Variants in GALNTL6 observed in about 807,000 individuals in gnomAD.
The protein encoded by GALNTL6 is polypeptide N-acetylgalactosaminyltransferase like 6.
In GALNTL6, 46 loss-of-function variants were observed where a neutral mutation model predicts 73.7. That is an observed-to-expected ratio of 0.62 (90% CI 0.49 to 0.80). The LOEUF (loss-of-function observed/expected upper bound fraction) is 0.80. GALNTL6 is among the 30% of genes least tolerant of loss of function. The probability of loss-of-function intolerance (pLI) is 0.00; values close to 1 mark genes in which losing one functional copy is unlikely to be tolerated. For synonymous variants in GALNTL6, 259 were observed against 263.7 expected (o/e 0.98, Z 0.17); for missense variants, 604 against 755.0 (o/e 0.80, Z 2.34).
intron 12 of GALNTL6, among the ~76,000 whole-genome samples, chr4:173,039,257 T>A (rs931338167): frequency 1.1e-4 from 17 of 152,222 alleles, no homozygotes; most frequent in African/African-American, 4.1e-4. Flanking sequence ...ACCTGCATTA[T>A]ATCAATAAAG....
At chr4:172,512,744 T>C (rs970872713) in intron 5 of GALNTL6, among the ~76,000 whole-genome samples, 1 of 152,182 alleles carries the variant, frequency 6.6e-6, no homozygotes, top group South Asian at 2.1e-4. Flanking sequence ...AACAATTGTT[T>C]TGTTTAAGGA....
intron 8 of GALNTL6, among the ~76,000 whole-genome samples, chr4:172,923,878 C>G (rs1052789762): frequency 6.6e-6 from 1 of 151,328 alleles, no homozygotes; most frequent in African/African-American, 2.4e-5. Context: ...CTTACTACCA[C>G]GAGAACAGCA....
chr4:172,601,941 A>G (rs1738063924), intron 5 of GALNTL6, among the ~76,000 whole-genome samples: 1 of 152,234 alleles, frequency 6.6e-6, no homozygotes, highest in East Asian at 1.9e-4. Context: ...TAATAGCCAA[A>G]TTAATAGGAA....
chr4:172,921,990 C>G (rs909061298), intron 8 of GALNTL6, among the ~76,000 whole-genome samples: 1 of 152,096 alleles, frequency 6.6e-6, no homozygotes, highest in Non-Finnish European at 1.5e-5. Context: ...AATTGTATCT[C>G]CCAGCATTCT....
At chr4:172,516,849 C>T (rs1056299844) in intron 5 of GALNTL6, among the ~76,000 whole-genome samples, 3 of 152,060 alleles carry the variant, frequency 2.0e-5, no homozygotes, top group Non-Finnish European at 4.4e-5. Flanking sequence ...ATCATTCAGC[C>T]TTAAAAGGAA....
intron 5 of GALNTL6, among the ~76,000 whole-genome samples, chr4:172,393,795 T>A (rs1743752270): frequency 6.6e-6 from 1 of 152,174 alleles, no homozygotes; most frequent in Non-Finnish European, 1.5e-5. Context: ...TCTTAATAAT[T>A]CAAACTATAT....
At chr4:172,858,752 T>G (rs980004302) in intron 7 of GALNTL6, among the ~76,000 whole-genome samples, 2 of 152,020 alleles carry the variant, frequency 1.3e-5, no homozygotes, top group African/African-American at 4.8e-5. Flanking sequence ...CTCTTCAATG[T>G]CCAGCAGCCT....
chr4:172,123,248 C>T (rs1010084518), intron 2 of GALNTL6, among the ~76,000 whole-genome samples: 1 of 152,116 alleles, frequency 6.6e-6, no homozygotes, highest in African/African-American at 2.4e-5. Context: ...CCGATTGTAT[C>T]ATTTTCTAAA....
chr4:171,987,615 G>A (rs1740142745), intron 2 of GALNTL6, among the ~76,000 whole-genome samples: 1 of 152,154 alleles, frequency 6.6e-6, no homozygotes. Context: ...AATAATCCCT[G>A]AGGAGTAGTA....
chr4:172,061,908 A>G lies in GALNTL6; in HGVS notation c.139-167748A>G, dbSNP rs60800149. 1.3e-3 allele frequency among the ~76,000 whole-genome samples: 178 copies of G among 140,624 alleles called. 1 individual carries two copies. Among genetic ancestry groups the G allele is most frequent in the African/African-American group, 4.0e-3 (150 of 37,438 alleles). The allele number at this position is 140,624 out of a possible 152,430, so 92.3% of individuals were successfully genotyped here. A position where few individuals can be genotyped will look rare whatever the true frequency, so the allele number is the denominator to read the frequency against. Reference sequence around the variant, plus strand: ...AATGCTTTGGAATCTGTTATTTACCACCCATTCCCTGCTTTTGAGCTTGGT... The same window carrying G: ...AATGCTTTGGAATCTGTTATTTACCGCCCATTCCCTGCTTTTGAGCTTGGT... On this transcript the variant is annotated intron_variant, in intron 2 of 12. Transcript: ENST00000506823.
chr4:172,128,102 T>C (rs537412264), intron 2 of GALNTL6, among the ~76,000 whole-genome samples: 17 of 151,040 alleles, frequency 1.1e-4, no homozygotes, highest in African/African-American at 4.1e-4. Flanking sequence ...AGATTCCGTC[T>C]CAAAAAAAGA....
intron 12 of GALNTL6, among the ~76,000 whole-genome samples, chr4:173,034,496 C>T (rs762014618): frequency 6.6e-6 from 1 of 152,196 alleles, no homozygotes; most frequent in African/African-American, 2.4e-5. Flanking sequence ...CAAGACCCAA[C>T]CTCCATCACC....
intron 8 of GALNTL6, among the ~76,000 whole-genome samples, chr4:172,917,776 T>C (rs956801101): frequency 6.6e-6 from 1 of 152,090 alleles, no homozygotes; most frequent in African/African-American, 2.4e-5. Context: ...TGTGGAGAAA[T>C]AGGAACGCTT....
chr4:172,151,476 A>C (rs1318552792), intron 2 of GALNTL6, among the ~76,000 whole-genome samples: 1 of 152,130 alleles, frequency 6.6e-6, no homozygotes, highest in Non-Finnish European at 1.5e-5. Context: ...ATGCAAGATA[A>C]AAACAAAATG....
chr4:172,068,001 G>T lies in GALNTL6; in HGVS notation c.139-161655G>T, dbSNP rs141262887. Reference sequence around the variant, plus strand: ...GTATGGTAATGCTGAGTTCACCAAAGTTTATCTCCAACTCTGACATCTCTG... The same window carrying T: ...GTATGGTAATGCTGAGTTCACCAAATTTTATCTCCAACTCTGACATCTCTG... On this transcript the variant is annotated intron_variant, in intron 2 of 12. Coordinates refer to ENST00000506823, the MANE Select transcript of GALNTL6 (RefSeq NM_001034845.3). Among the ~76,000 whole-genome samples the T allele has an allele frequency of 4.7e-4, 49 of 104,306 alleles. 13 individuals carry two copies. In the East Asian group the frequency reaches 9.9e-3, roughly 21 times the overall value. The allele number at this position is 104,306 out of a possible 152,430, so 68.4% of individuals were successfully genotyped here.
rs186874007 is a variant in GALNTL6, at chr4:172,209,258, G to A, written c.139-20398G>A. Among the ~76,000 whole-genome samples, 268 of 152,080 alleles carry A rather than the reference G, an allele frequency of 1.8e-3. 4 individuals carry two copies. Among genetic ancestry groups the A allele is most frequent in the Non-Finnish European group, 4.6e-4 (31 of 67,908 alleles). On this transcript the variant is annotated intron_variant, in intron 2 of 12. Transcript: ENST00000506823. ...CACAGAGATTCTATGAGATATTTTA[G>A]CATTCTGGAAATTATCCATGACAAG...
chr4:172,717,600 T>C (rs1468411468), intron 5 of GALNTL6, among the ~76,000 whole-genome samples: 2 of 152,212 alleles, frequency 1.3e-5, no homozygotes, highest in African/African-American at 4.8e-5. Flanking sequence ...AAATACAATA[T>C]ACCAACTTGC....
At chr4:172,652,035 CAG>C (rs1740498045) in intron 5 of GALNTL6, among the ~76,000 whole-genome samples, 1 of 152,160 alleles carries the variant, frequency 6.6e-6, no homozygotes, top group African/African-American at 2.4e-5. Flanking sequence ...AACTGTAATA[CAG>C]AGCTGCTAAT....
intron 5 of GALNTL6, among the ~76,000 whole-genome samples, chr4:172,443,841 G>A (rs1276025595): frequency 6.6e-6 from 1 of 152,140 alleles, no homozygotes; most frequent in African/African-American, 2.4e-5. Flanking sequence ...TTCCCTCCAA[G>A]GAAAGGTGTG....
Sources: allele counts gnomAD v4.1 joint callset (sites outside exome capture counted in the v4.1 genomes callset), GRCh38; gene constraint gnomAD v4.1.1; transcripts MANE v1.5; gene names NCBI Gene and HGNC (gene_info 2026-07-23, HGNC 2026-07-21).